The following CNTLN variants were observed in gnomAD, a reference collection of about 807,000 sequenced individuals.
The protein encoded by CNTLN is centlein, centrosomal protein.
Under a neutral mutation model 180.0 loss-of-function variants are expected in CNTLN, and 212 were observed. That is an observed-to-expected ratio of 1.18 (90% confidence interval 1.05 to 1.32). The LOEUF (loss-of-function observed/expected upper bound fraction) is 1.32. CNTLN is among the 40% of genes most tolerant of loss of function. CNTLN has a pLI of 0.00. For missense variants in CNTLN, 2,095 were observed against 1,610.9 expected (o/e 1.30, Z -5.14); for synonymous variants, 722 against 563.1 (o/e 1.28, Z -3.99).
intron 13 of CNTLN, among the ~76,000 whole-genome samples, chr9:17,385,757 A>G (rs538404669): frequency 5.9e-5 from 9 of 152,340 alleles, no homozygotes; most frequent in Admixed American, 5.2e-4. Flanking sequence ...TAGCATTTAC[A>G]TTGTATTAGT....
intron 25 of CNTLN, among the ~76,000 whole-genome samples, chr9:17,494,372 A>AT (rs1833332890): frequency 6.6e-6 from 1 of 152,068 alleles, no homozygotes; most frequent in Admixed American, 6.6e-5. Flanking sequence ...TTTTTTTTTA[A>AT]TTAACTTTTA....
intron 5 of CNTLN, among the ~76,000 whole-genome samples, chr9:17,269,937 G>A (rs991347442): frequency 1.4e-4 from 21 of 151,988 alleles, no homozygotes; most frequent in African/African-American, 2.4e-5. Context: ...GTTATTTTAT[G>A]TTTCTTGTTG....
intron 25 of CNTLN, among the ~76,000 whole-genome samples, chr9:17,494,132 C>T (rs1718622751): frequency 6.6e-6 from 1 of 152,174 alleles, no homozygotes; most frequent in African/African-American, 2.4e-5. Flanking sequence ...GGGGAAAATA[C>T]ATGGAAAATA....
intron 5 of CNTLN, among the ~76,000 whole-genome samples, chr9:17,253,255 C>CT (rs1331561293): frequency 4.0e-5 from 6 of 151,744 alleles, no homozygotes; most frequent in Non-Finnish European, 7.4e-5. Flanking sequence ...TATTCAGGCT[C>CT]TTTTTTGGTT....
chr9:17,226,251 G>A lies in CNTLN; in HGVS notation c.498G>A (p.Leu166=), dbSNP rs1824455764. 1 of 1,580,620 alleles carries A rather than the reference G, an allele frequency of 6.3e-7. No homozygotes were observed. Among genetic ancestry groups the A allele is most frequent in the Non-Finnish European group, 8.6e-7 (1 of 1,164,504 alleles). The change falls in exon 3 of 26, where the codon CTG becomes CTA. Residue 166 remains leucine (L), a synonymous_variant. Transcript: ENST00000380647. ...EAKDRKVLEI[L]QVKDAKIQEF... is the part of the protein sequence containing the mutation. Reference sequence around the variant, plus strand: ...AAGACAGAAAAGTTCTAGAAATTCTGCAAGTCAAGGATGCCAAAATACAAG... The same window carrying A: ...AAGACAGAAAAGTTCTAGAAATTCTACAAGTCAAGGATGCCAAAATACAAG...
chr9:17,350,365 T>C (rs181786049), intron 12 of CNTLN, among the ~76,000 whole-genome samples: 18 of 152,300 alleles, frequency 1.2e-4, no homozygotes, highest in African/African-American at 3.6e-4. Context: ...CTGTAGCCTA[T>C]GTAAAATGCT....
At chr9:17,136,616 C>A (rs1817736421) in intron 1 of CNTLN, among the ~76,000 whole-genome samples, 1 of 152,160 alleles carries the variant, frequency 6.6e-6, no homozygotes, top group South Asian at 2.1e-4. Flanking sequence ...GAAATTCATT[C>A]TCTCATAGTT....
At chr9:17,439,694 A>G (rs1005386012) in intron 18 of CNTLN, among the ~76,000 whole-genome samples, 2 of 152,214 alleles carry the variant, frequency 1.3e-5, no homozygotes, top group African/African-American at 4.8e-5. Flanking sequence ...TTCCCCCATA[A>G]TTCATAACCC....
chr9:17,257,618 C>G (rs1007131844), intron 5 of CNTLN, among the ~76,000 whole-genome samples: 1 of 151,172 alleles, frequency 6.6e-6, no homozygotes, highest in Non-Finnish European at 1.5e-5. Flanking sequence ...TCCTATTTCT[C>G]CGCATCCTCT....
At chr9:17,388,024 T>G (rs543799033) in intron 13 of CNTLN, 138 bp from the exon 14 acceptor site, 6 of 451,054 alleles carry the variant, frequency 1.3e-5, no homozygotes, top group Non-Finnish European at 2.3e-5. Context: ...CATTGTTTAG[T>G]TACTGGCCAA....
In CNTLN at chr9:17,453,208, G is replaced by A. The variant is rs186128189; in HGVS notation, c.3115-4316G>A. ...CATACCTGTAGTCCCTGCTGCTCAG[G>A]AGGCTGAGGCAGGAGGATCCCTTGA... On this transcript the variant is annotated intron_variant, in intron 18 of 25. Transcript: ENST00000380647. Among the ~76,000 whole-genome samples, 219 of 152,190 alleles carry A rather than the reference G, an allele frequency of 1.4e-3. 1 individual carries two copies. Among genetic ancestry groups the A allele is most frequent in the Admixed American group, 0.013 (206 of 15,294 alleles).
chr9:17,363,942 C>G (rs1001746464), intron 12 of CNTLN, among the ~76,000 whole-genome samples: 2 of 151,834 alleles, frequency 1.3e-5, no homozygotes, highest in African/African-American at 4.8e-5. Flanking sequence ...TAATTATTTT[C>G]CTTCTGGCTT....
intron 18 of CNTLN, among the ~76,000 whole-genome samples, chr9:17,442,460 A>C (rs1457687033): frequency 6.6e-6 from 1 of 152,142 alleles, no homozygotes; most frequent in Non-Finnish European, 1.5e-5. Context: ...GTGCAGTGGC[A>C]TGATCTCAGC....
the CNTLN span, among the ~76,000 whole-genome samples, chr9:17,521,262 A>AG: frequency 1.6e-5 from 2 of 122,236 alleles, no homozygotes; most frequent in Admixed American, 1.7e-4. Context: ...AGAAAGGGAG[A>AG]AAAAGAGAGA....
the CNTLN span, among the ~76,000 whole-genome samples, chr9:17,515,789 C>G: frequency 1.3e-5 from 2 of 152,202 alleles, no homozygotes; most frequent in African/African-American, 4.8e-5. Flanking sequence ...GGTCTCCCTG[C>G]TTCAGCTGTT....
chr9:17,322,256 C>T (rs1240524428), intron 8 of CNTLN, among the ~76,000 whole-genome samples: 1 of 151,898 alleles, frequency 6.6e-6, no homozygotes, highest in African/African-American at 2.4e-5. Context: ...GATTTTTAGC[C>T]TTAATAAATG....
chr9:17,330,777 G>A lies in CNTLN; in HGVS notation c.1487G>A (p.Ser496Asn). ...ISANKGFSRK[S>N]IMTSAEGKHK... The stretch of plus-strand genomic sequence containing the variant: ...GCCAACAAGGGTTTCTCCCGAAAGA[G>A]CATCATGACAAGTGCTGAAGGAAAA... Residue 496 changes from serine to asparagine, a missense_variant, in exon 9 of 26, where the codon AGC (serine) becomes AAC (asparagine). Ser to Asn is a conservative substitution (Grantham distance 46). Transcript: ENST00000380647. 1 of 1,609,218 alleles carries A rather than the reference G, an allele frequency of 6.2e-7. No individual in the cohort carries two copies. Among genetic ancestry groups the A allele is most frequent in the Non-Finnish European group, 8.5e-7 (1 of 1,177,620 alleles).
At chr9:17,517,700 A>T in the CNTLN span, among the ~76,000 whole-genome samples, 2 of 152,110 alleles carry the variant, frequency 1.3e-5, no homozygotes, top group African/African-American at 4.8e-5. Flanking sequence ...CAGCAAGGCC[A>T]TTGGAGGGAA....
chr9:17,421,049 G>A (rs1828684573), intron 18 of CNTLN, among the ~76,000 whole-genome samples: 1 of 152,132 alleles, frequency 6.6e-6, no homozygotes, highest in African/African-American at 2.4e-5. Flanking sequence ...GTTTGATGAA[G>A]TGTTCTGTAA....
Sources: allele counts gnomAD v4.1 joint callset (sites outside exome capture counted in the v4.1 genomes callset), GRCh38; gene constraint gnomAD v4.1.1; transcripts MANE v1.5; gene names NCBI Gene and HGNC (gene_info 2026-07-23, HGNC 2026-07-21).